The following SERPINA7 variants were observed in gnomAD, a reference collection of about 807,000 sequenced individuals.
The protein encoded by SERPINA7 is serpin family A member 7, also known as thyroxine-binding globulin.
In SERPINA7, 14 loss-of-function variants were observed where a neutral mutation model predicts 16.0. The ratio of observed to expected loss-of-function variants is 0.88; its 90% CI spans 0.58 to 1.37. SERPINA7 has a LOEUF of 1.37. SERPINA7 is among the 40% of genes most tolerant of loss of function. The probability of loss-of-function intolerance (pLI) is 0.00; values close to 1 mark genes in which losing one functional copy is unlikely to be tolerated. For missense variants in SERPINA7, 335 were observed against 296.6 expected (o/e 1.13, Z -0.95); for synonymous variants, 140 against 111.0 (o/e 1.26, Z -1.65).
rs376340324 is a variant in SERPINA7 at position 106,033,509 on chromosome X, C to T, written c.1239G>A (p.Thr413=). The T allele has an allele frequency of 3.3e-5, 40 of 1,209,351 alleles. No homozygotes were observed. In the East Asian group the frequency reaches 4.7e-4, roughly 14 times the overall value. ...ILFLGKVVNP[T]EA Reference sequence around the variant, plus strand: ...ATGGCCTTTTTCCCAACTACGCTTCCGTTGGGTTCACAACTTTCCCTAGAA... The same window carrying T: ...ATGGCCTTTTTCCCAACTACGCTTCTGTTGGGTTCACAACTTTCCCTAGAA... Residue 413 remains threonine, a synonymous_variant, in exon 5 of 5, where the codon ACG becomes ACA. Transcript: ENST00000372563.
Position 106,037,024 on chromosome X carries a change from A to G in SERPINA7, c.35T>C (p.Leu12Pro). 1 of 1,209,853 alleles carries G rather than the reference A, an allele frequency of 8.3e-7. No homozygotes were observed. Residue 12 changes from leucine to proline, a missense_variant, in exon 2 of 5, where the codon CTT (leucine) becomes CCT (proline). By Grantham distance (98) the Leu-to-Pro change is moderately conservative. Coordinates refer to ENST00000372563, the MANE Select transcript of SERPINA7 (RefSeq NM_000354.6). ...ACAGTGGATTGTAGCATGAAGCCCA[A>G]GTACCAAGAGAACCAGATACAGGAA... ...SPFLYLVLLV[L>P]GLHATIHCAS...
Position 106,033,677 on chromosome X carries a change from A to G in SERPINA7, c.1071T>C (p.Ile357=). The change falls in exon 5 of 5, where the codon ATT becomes ATC. Residue 357 remains isoleucine, a synonymous_variant. Transcript: ENST00000372563. ...SNAAHKAVLH[I]GEKGTEAAAV... is the part of the protein sequence containing the mutation. ...CTGCAGCTTCAGTTCCCTTTTCACC[A>G]ATGTGCAGCACAGCCTTATGGGCAG... The G allele has an allele frequency of 2.5e-6, 3 of 1,211,125 alleles. No individual in the cohort carries two copies. The highest frequency in any genetic ancestry group is 3.4e-6 in the Non-Finnish European group (3 of 895,161).
intron 4 of SERPINA7, 144 bp downstream of exon 4, chrX:106,034,091 C>A: frequency 1.7e-6 from 1 of 587,499 alleles, no homozygotes; most frequent in South Asian, 2.7e-5. Context: ...ATGGGAATGA[C>A]TCTGGAGTGA....
In SERPINA7 at chrX:106,033,460, G is replaced by A; in HGVS notation, c.*40C>T. 8.4e-7 allele frequency: 1 copy of A among 1,191,770 alleles called. No individual in the cohort carries two copies. ...CTATATTATTTATTTATTTCCCATTGCAATACACACGTGCAATTAGCCAAT... is the reference window on the plus strand; with the variant it reads ...CTATATTATTTATTTATTTCCCATTACAATACACACGTGCAATTAGCCAAT... On this transcript the variant is annotated 3_prime_UTR_variant, in exon 5 of 5. Transcript: ENST00000372563.
chrX:106,036,636 T>A lies in SERPINA7; in HGVS notation c.423A>T (p.Lys141Asn), dbSNP rs199797855. 8.3e-7 allele frequency: 1 copy of A among 1,208,821 alleles called. No homozygotes were observed. The highest frequency in any genetic ancestry group is 1.8e-5 in the African/African-American group (1 of 56,985). ...CATCATTCAAGAACTTTGCCAGTGG[T>A]TTCAGATGCTTGCCAATGAAGAGGG... ...GNALFIGKHLKPLAKFLNDVK... is the reference protein window; with the variant it reads ...GNALFIGKHLNPLAKFLNDVK... The change falls in exon 2 of 5, where the codon AAA becomes AAT. Residue 141 changes from lysine (K) to asparagine (N), a missense_variant. Physicochemically the swap from Lys to Asn is moderately conservative, Grantham distance 94. Coordinates refer to ENST00000372563, the MANE Select transcript of SERPINA7 (RefSeq NM_000354.6).
chrX:106,038,250 T>C (rs1425662112), intron 1 of SERPINA7, among the ~76,000 whole-genome samples: 2 of 111,790 alleles, frequency 1.8e-5, no homozygotes, highest in African/African-American at 6.5e-5. Flanking sequence ...TCACTGTCTA[T>C]AGAGACACCT....
At position 106,033,439 on chromosome X, in the gene SERPINA7, ATTAT is replaced by A; in HGVS notation, c.*57_*60del. The A allele has an allele frequency of 5.3e-6, 6 of 1,138,858 alleles. No homozygotes were observed. The highest frequency in any genetic ancestry group is 7.2e-6 in the Non-Finnish European group (6 of 829,731). The allele number at this position is 1,138,858 out of a possible 1,213,427, so 93.9% of individuals were successfully genotyped here. On this transcript the variant is annotated 3_prime_UTR_variant, in exon 5 of 5. Coordinates refer to ENST00000372563, the MANE Select transcript of SERPINA7 (RefSeq NM_000354.6). ...GCTCACATCAATCACACCAGGCTAT[ATTAT>A]TTATTTATTTCCCATTGCAATACAC...
At position 106,034,402 on chromosome X, in the gene SERPINA7, G is replaced by A. The variant is rs748914896; in HGVS notation, c.897-20C>T. 15 of 1,180,412 alleles carry A rather than the reference G, an allele frequency of 1.3e-5. No individual in the cohort carries two copies. The Admixed American group carries it at 2.2e-4, about 17-fold the overall frequency. On this transcript the variant is annotated intron_variant, in intron 3 of 4. Transcript: ENST00000372563. ...ACCCATCTGTGGGAAAAGAGGAAGG[G>A]AACACATGGCAATCACCATATCAAG...
At position 106,036,676 on chromosome X, in the gene SERPINA7, A is replaced by G; in HGVS notation, c.383T>C (p.Leu128Ser). The change falls in exon 2 of 5, where the codon TTG (leucine) becomes TCG (serine). Residue 128 changes from leucine to serine, a missense_variant. By Grantham distance (145) the Leu-to-Ser change is moderately radical (BLOSUM62 -2). Coordinates refer to ENST00000372563, the MANE Select transcript of SERPINA7 (RefSeq NM_000354.6). ...SLNFPKKELE[L>S]QIGNALFIGK... ...AATGAAGAGGGCATTTCCTATCTGC[A>G]ATTCCAGTTCCTTCTTTGGAAAATT... The G allele has an allele frequency of 8.3e-7, 1 of 1,211,108 alleles. No homozygotes were observed. The highest frequency in any genetic ancestry group is 1.1e-6 in the Non-Finnish European group (1 of 895,252).
At chrX:106,037,880 C>T (rs1386040764) in intron 1 of SERPINA7, among the ~76,000 whole-genome samples, 2 of 111,137 alleles carry the variant, frequency 1.8e-5, no homozygotes, top group Non-Finnish European at 3.8e-5. Context: ...TTCTCTGATC[C>T]TGAAAGAGTG....
rs61737031 is a variant in SERPINA7 at position 106,037,037 on chromosome X, C to A, written c.22G>T (p.Val8Phe). Residue 8 changes from valine to phenylalanine, a missense_variant, in exon 2 of 5, where the codon GTT becomes TTT. By Grantham distance (50) the Val-to-Phe change is conservative. Coordinates refer to ENST00000372563, the MANE Select transcript of SERPINA7 (RefSeq NM_000354.6). MSPFLYL[V>F]LLVLGLHATI... ...GCATGAAGCCCAAGTACCAAGAGAACCAGATACAGGAATGGTGACATTTTG... is the reference window on the plus strand; with the variant it reads ...GCATGAAGCCCAAGTACCAAGAGAAACAGATACAGGAATGGTGACATTTTG... 7.3e-4 allele frequency: 878 copies of A among 1,207,367 alleles called. 6 individuals are homozygous for A. In the African/African-American group the frequency reaches 0.013, roughly 18 times the overall value.
chrX:106,033,758 G>A lies in SERPINA7; in HGVS notation c.1045-55C>T, dbSNP rs571513863. On this transcript the variant is annotated intron_variant, in intron 4 of 4. Coordinates refer to ENST00000372563, the MANE Select transcript of SERPINA7 (RefSeq NM_000354.6). ...TCTGAAGAAACAGGAACAGTCTTTGGGAAGGTCTAGAAGTAAGAAAGGGAA... is the reference window on the plus strand; with the variant it reads ...TCTGAAGAAACAGGAACAGTCTTTGAGAAGGTCTAGAAGTAAGAAAGGGAA... 55 of 1,208,765 alleles carry A rather than the reference G, an allele frequency of 4.6e-5. No individual in the cohort carries two copies. The East Asian group carries it at 1.2e-3, about 27-fold the overall frequency.
At position 106,034,507 on chromosome X, in the gene SERPINA7, T is replaced by C. The variant is rs145676890; in HGVS notation, c.897-125A>G. On this transcript the variant is annotated intron_variant, in intron 3 of 4. Transcript: ENST00000372563. ...TTCCCTGAGTATTGATAACCATTAC[T>C]ATGTAAGTCAATACATGGCACCAAA... The C allele has an allele frequency of 1.1e-3, 665 of 623,113 alleles. 7 individuals carry two copies. In the African/African-American group the frequency reaches 0.013, roughly 12 times the overall value. 51.4% of individuals were successfully genotyped at this position (623,113 alleles called of 1,213,427 possible). A position where few individuals can be genotyped will look rare whatever the true frequency, so the allele number is the denominator to read the frequency against.
At position 106,035,178 on chromosome X, in the gene SERPINA7, A is replaced by G; in HGVS notation, c.830T>C (p.Met277Thr). The change falls in exon 3 of 5, where the codon ATG becomes ACG. Residue 277 changes from methionine (M) to threonine (T), a missense_variant. By Grantham distance (81) the Met-to-Thr change is moderately conservative. Coordinates refer to ENST00000372563, the MANE Select transcript of SERPINA7 (RefSeq NM_000354.6). The part of the protein sequence containing the change: ...ALFVLPKEGQ[M>T]ESVEAAMSSK... The stretch of plus-strand genomic sequence containing the variant: ...TGACATGGCAGCTTCCACTGACTCC[A>G]TCTGTCCCTCCTTGGGAAGAACAAA... The G allele has an allele frequency of 8.3e-7, 1 of 1,211,154 alleles. No individual in the cohort carries two copies. Among genetic ancestry groups the G allele is most frequent in the Non-Finnish European group, 1.1e-6 (1 of 895,073 alleles).
rs185581799 is a variant in SERPINA7 at position 106,034,052 on chromosome X, G to A, written c.1044+183C>T. 4.6e-3 allele frequency among the ~76,000 whole-genome samples: 517 copies of A among 112,020 alleles called. 5 individuals are homozygous for A. The highest frequency in any genetic ancestry group is 0.015 in the African/African-American group (477 of 30,882). Reference sequence around the variant, plus strand: ...TGGGACATAAAGGTCAAGGATGGAAGAAACTGATACAATTACTTATTTGGA... The same window carrying A: ...TGGGACATAAAGGTCAAGGATGGAAAAAACTGATACAATTACTTATTTGGA... On this transcript the variant is annotated intron_variant, in intron 4 of 4. Coordinates refer to ENST00000372563, the MANE Select transcript of SERPINA7 (RefSeq NM_000354.6).
At position 106,033,475 on chromosome X, in the gene SERPINA7, A is replaced by T; in HGVS notation, c.*25T>A. 1 of 1,205,710 alleles carries T rather than the reference A, an allele frequency of 8.3e-7. No homozygotes were observed. Among genetic ancestry groups the T allele is most frequent in the Non-Finnish European group, 1.1e-6 (1 of 890,066 alleles). On this transcript the variant is annotated 3_prime_UTR_variant, in exon 5 of 5. Coordinates refer to ENST00000372563, the MANE Select transcript of SERPINA7 (RefSeq NM_000354.6). ...ATTTCCCATTGCAATACACACGTGC[A>T]ATTAGCCAATGGCCTTTTTCCCAAC...
chrX:106,033,488 C>T lies in SERPINA7; in HGVS notation c.*12G>A. 2 of 1,210,079 alleles carry T rather than the reference C, an allele frequency of 1.7e-6. No individual in the cohort carries two copies. Among genetic ancestry groups the T allele is most frequent in the Non-Finnish European group, 1.1e-6 (1 of 894,008 alleles). The stretch of plus-strand genomic sequence containing the variant: ...ATACACACGTGCAATTAGCCAATGG[C>T]CTTTTTCCCAACTACGCTTCCGTTG... On this transcript the variant is annotated 3_prime_UTR_variant, in exon 5 of 5. Transcript: ENST00000372563.
intron 2 of SERPINA7, among the ~76,000 whole-genome samples, chrX:106,035,867 A>T (rs1175031854): frequency 8.9e-6 from 1 of 112,209 alleles, no homozygotes; most frequent in Admixed American, 9.4e-5. Flanking sequence ...TAGTCACATG[A>T]TTCTTGTTTC....
rs920771717 is a variant in SERPINA7 at position 106,032,573 on chromosome X, C to T, written c.*927G>A. On this transcript the variant is annotated 3_prime_UTR_variant, in exon 5 of 5. Coordinates refer to ENST00000372563, the MANE Select transcript of SERPINA7 (RefSeq NM_000354.6). ...AATTTCAGATACTACATCATTACCA[C>T]TCACTGTGCCATTTATACTCAAGCT... 9.0e-6 allele frequency: 1 copy of T among 111,705 alleles called. No individual in the cohort carries two copies. The highest frequency in any genetic ancestry group is 1.9e-5 in the Non-Finnish European group (1 of 53,140). The allele number at this position is 111,705 out of a possible 1,213,427, so 9.2% of individuals were successfully genotyped here. A position where few individuals can be genotyped will look rare whatever the true frequency, so the allele number is the denominator to read the frequency against.
Sources: gnomAD v4.1 joint callset for allele counts (sites outside exome capture counted in the v4.1 genomes callset) on GRCh38, gnomAD v4.1.1 for gene constraint, MANE v1.5 for transcripts, NCBI Gene and HGNC (gene_info 2026-07-23, HGNC 2026-07-21) for gene names.